ARHGEF28: variants seen among roughly 807,000 people sequenced by gnomAD.
The protein encoded by ARHGEF28 is Rho guanine nucleotide exchange factor 28.
Under a neutral mutation model 206.6 loss-of-function variants are expected in ARHGEF28, and 152 were observed. That is an observed-to-expected ratio of 0.74 (90% CI 0.64 to 0.84). The LOEUF is 0.84. ARHGEF28 is among the 40% of genes least tolerant of loss of function. The probability of loss-of-function intolerance (pLI) is 0.00; values close to 1 mark genes in which losing one functional copy is unlikely to be tolerated. For missense variants in ARHGEF28, 2,028 were observed against 2,073.2 expected, an observed-to-expected ratio of 0.98 and a Z score of 0.42; for synonymous variants, 763 against 776.4, an observed-to-expected ratio of 0.98 and a Z score of 0.29.
chr5:73,713,764 T>C (rs1749402857), intron 2 of ARHGEF28, among the ~76,000 whole-genome samples: 1 of 152,214 alleles, frequency 6.6e-6, no homozygotes, highest in Admixed American at 6.5e-5. Flanking sequence ...CATGGCAAAT[T>C]AAATATTTTT....
intron 2 of ARHGEF28, among the ~76,000 whole-genome samples, chr5:73,729,346 T>C (rs1750468419): frequency 6.6e-6 from 1 of 152,210 alleles, no homozygotes; most frequent in African/African-American, 2.4e-5. Context: ...GCTCTAATCA[T>C]GAGGATGACC....
intron 14 of ARHGEF28, 35 bp from the exon 15 acceptor site, chr5:73,857,621 C>G (rs765471254): frequency 1.9e-6 from 3 of 1,548,606 alleles, no homozygotes; most frequent in Middle Eastern, 1.7e-4. Context: ...CTTCCTAAGT[C>G]ATATGAGCCA....
chr5:73,754,513 G>T (rs1374449523), intron 4 of ARHGEF28, among the ~76,000 whole-genome samples: 1 of 152,180 alleles, frequency 6.6e-6, no homozygotes, highest in Non-Finnish European at 1.5e-5. Flanking sequence ...TCAGCAAGGA[G>T]ATATGAAATA....
chr5:73,886,191 G>T (rs1761282542), intron 25 of ARHGEF28, 87 bp downstream of exon 25: 1 of 1,481,560 alleles, frequency 6.7e-7, no homozygotes, highest in Non-Finnish European at 9.0e-7. Flanking sequence ...AAACAGTTCA[G>T]AATTGCAGGC....
At chr5:73,634,750 T>A (rs1452895504) in intron 1 of ARHGEF28, among the ~76,000 whole-genome samples, 1 of 152,242 alleles carries the variant, frequency 6.6e-6, no homozygotes, top group African/African-American at 2.4e-5. Flanking sequence ...CACTTAGAGA[T>A]GTTCTTTCTC....
chr5:73,733,854 G>A (rs1413102469), intron 2 of ARHGEF28, among the ~76,000 whole-genome samples: 1 of 152,150 alleles, frequency 6.6e-6, no homozygotes, highest in Non-Finnish European at 1.5e-5. Flanking sequence ...GAAGCATGGT[G>A]CTGGCATTTG....
At chr5:73,839,007 C>G (rs1298258306) in intron 10 of ARHGEF28, among the ~76,000 whole-genome samples, 1 of 152,090 alleles carries the variant, frequency 6.6e-6, no homozygotes, top group Non-Finnish European at 1.5e-5. Context: ...AGAATACAGA[C>G]CAGTATTTTT....
At chr5:73,854,930 A>G (rs1488292837) in intron 14 of ARHGEF28, among the ~76,000 whole-genome samples, 1 of 152,188 alleles carries the variant, frequency 6.6e-6, no homozygotes, top group Non-Finnish European at 1.5e-5. Flanking sequence ...AAGAATCCAT[A>G]TTCTTAATAT....
chr5:73,813,517 C>G (rs1333567196), intron 9 of ARHGEF28: 1 of 1,526,738 alleles, frequency 6.5e-7, no homozygotes, highest in Non-Finnish European at 8.8e-7. Flanking sequence ...AGGCTTGCCT[C>G]CTGGCTGGGG....
chr5:73,813,910 TA>T lies in ARHGEF28; in HGVS notation c.1025-18411del, dbSNP rs76466396. Among the ~76,000 whole-genome samples, 24,743 of 138,620 alleles carry T rather than the reference TA, an allele frequency of 0.18. 2,123 individuals are homozygous for T. Among genetic ancestry groups the T allele is most frequent in the Middle Eastern group, 0.25 (70 of 276 alleles). The allele number at this position is 138,620 out of a possible 152,430, so 90.9% of individuals were successfully genotyped here. A position where few individuals can be genotyped will look rare whatever the true frequency, so the allele number is the denominator to read the frequency against. ...GTTATTATGTATGTGCAATTCTCTTTAAAAAAAAAAAAAAAAAGAAGGGAGT... is the reference window on the plus strand; with the variant it reads ...GTTATTATGTATGTGCAATTCTCTTTAAAAAAAAAAAAAAAAGAAGGGAGT... On this transcript the variant is annotated intron_variant, in intron 9 of 35. Transcript: ENST00000513042.
chr5:73,688,356 C>T (rs765446371), intron 2 of ARHGEF28, among the ~76,000 whole-genome samples: 27 of 152,050 alleles, frequency 1.8e-4, no homozygotes, highest in Non-Finnish European at 3.2e-4. Context: ...TTGCTTATAA[C>T]CTGTTTTGAT....
chr5:73,831,288 G>A (rs1008539233), intron 9 of ARHGEF28, among the ~76,000 whole-genome samples: 4 of 152,030 alleles, frequency 2.6e-5, no homozygotes, highest in African/African-American at 4.8e-5. Flanking sequence ...ATATCTAGAG[G>A]GCTAGTAAAC....
At chr5:73,925,617 C>T (rs759078090) in intron 35 of ARHGEF28, among the ~76,000 whole-genome samples, 42 of 152,224 alleles carry the variant, frequency 2.8e-4, no homozygotes, top group Non-Finnish European at 5.4e-4. Context: ...TGCCCCTTTC[C>T]AGTCAACCCC....
chr5:73,696,305 C>T (rs999893265), intron 2 of ARHGEF28, among the ~76,000 whole-genome samples: 13 of 152,164 alleles, frequency 8.5e-5, no homozygotes, highest in Non-Finnish European at 8.8e-5. Context: ...AAACCCTTTA[C>T]GCCATAAGCT....
chr5:73,922,182 T>C (rs1763557412), intron 35 of ARHGEF28, among the ~76,000 whole-genome samples: 1 of 152,274 alleles, frequency 6.6e-6, no homozygotes, highest in Admixed American at 6.5e-5. Context: ...CATAGGATTC[T>C]ATAAGTTTTC....
intron 22 of ARHGEF28, among the ~76,000 whole-genome samples, chr5:73,873,885 T>C (rs1760267948): frequency 6.6e-6 from 1 of 150,988 alleles, no homozygotes; most frequent in Admixed American, 6.7e-5. Context: ...CTGGGATAAA[T>C]GCCCAGGAAT....
At chr5:73,909,217 C>CT (rs1414406791) in intron 33 of ARHGEF28, 195 bp from the exon 34 acceptor site, 2 of 671,224 alleles carry the variant, frequency 3.0e-6, no homozygotes, top group Non-Finnish European at 4.8e-6. Context: ...GGTCCTACCC[C>CT]TAGGACAGAT....
chr5:73,790,767 T>G (rs992257082), intron 7 of ARHGEF28, among the ~76,000 whole-genome samples: 1 of 152,150 alleles, frequency 6.6e-6, no homozygotes, highest in Non-Finnish European at 1.5e-5. Context: ...TGGCAAGTAG[T>G]CTCTCAAGTG....
chr5:73,902,442 C>T (rs898598280), intron 31 of ARHGEF28: 21 of 152,142 alleles, frequency 1.4e-4, no homozygotes. Context: ...TCTTCCACTC[C>T]AATTCAGCTA....
Sources: gnomAD v4.1 joint callset for allele counts (sites outside exome capture counted in the v4.1 genomes callset) on GRCh38, gnomAD v4.1.1 for gene constraint, MANE v1.5 for transcripts, NCBI Gene and HGNC (gene_info 2026-07-23, HGNC 2026-07-21) for gene names.